The following PTPN9 variants were observed in gnomAD, a reference collection of about 807,000 sequenced individuals.
PTPN9 encodes tyrosine-protein phosphatase non-receptor type 9.
In PTPN9, 26 loss-of-function variants were observed where a neutral mutation model predicts 69.8. The observed-to-expected ratio is 0.37, with a 90% CI of 0.27 to 0.52. PTPN9 has a LOEUF of 0.52. PTPN9 is among the 20% of genes least tolerant of loss of function. The pLI is 0.91. For synonymous variants in PTPN9, 274 were observed against 272.5 expected (o/e 1.01, Z -0.05); for missense variants, 549 against 740.3 (o/e 0.74, Z 3.00).
chr15:75,473,598 T>G (rs573934840), intron 10 of PTPN9, 91 bp downstream of exon 10: 1 of 1,168,578 alleles, frequency 8.6e-7, no homozygotes, highest in East Asian at 2.4e-5. Context: ...CTGACCCTCA[T>G]TATTTCTAAA....
intron 1 of PTPN9, among the ~76,000 whole-genome samples, chr15:75,562,029 C>T (rs1298373491): frequency 6.6e-6 from 1 of 151,962 alleles, no homozygotes; most frequent in Admixed American, 6.6e-5. Context: ...ATTATTATTA[C>T]TTGTGTAGAC....
chr15:75,491,172 G>A (rs2074708972), intron 7 of PTPN9, among the ~76,000 whole-genome samples: 1 of 152,042 alleles, frequency 6.6e-6, no homozygotes, highest in Admixed American at 6.5e-5. Flanking sequence ...GGAGGCCAAG[G>A]CGGGTGGATC....
intron 11 of PTPN9, among the ~76,000 whole-genome samples, chr15:75,470,259 C>T (rs981008699): frequency 2.0e-5 from 3 of 152,184 alleles, no homozygotes; most frequent in African/African-American, 7.2e-5. Context: ...GGTTGGAGTG[C>T]AGTGGCACGA....
chr15:75,540,512 C>A (rs1225410871), intron 1 of PTPN9, among the ~76,000 whole-genome samples: 1 of 147,254 alleles, frequency 6.8e-6, no homozygotes, highest in Non-Finnish European at 1.5e-5. Context: ...GAGATCGCAC[C>A]AGCCTGGGTG....
At chr15:75,488,007 G>A (rs941024246) in intron 8 of PTPN9, among the ~76,000 whole-genome samples, 2 of 152,158 alleles carry the variant, frequency 1.3e-5, no homozygotes, top group African/African-American at 2.4e-5. Flanking sequence ...CTTTGCCGGC[G>A]CAGTGGCTCA....
chr15:75,492,322 C>G (rs1433458234), intron 7 of PTPN9, among the ~76,000 whole-genome samples: 1 of 152,098 alleles, frequency 6.6e-6, no homozygotes, highest in African/African-American at 2.4e-5. Flanking sequence ...GTGTTCAACT[C>G]ATTTTGACAG....
intron 1 of PTPN9, among the ~76,000 whole-genome samples, chr15:75,569,180 T>A (rs1021762679): frequency 6.6e-6 from 1 of 152,164 alleles, no homozygotes; most frequent in East Asian, 1.9e-4. Context: ...ATGGCTGATA[T>A]TACACTAGAG....
intron 7 of PTPN9, among the ~76,000 whole-genome samples, chr15:75,498,668 T>A (rs897994249): frequency 1.2e-4 from 19 of 152,076 alleles, no homozygotes; most frequent in Non-Finnish European, 2.5e-4. Context: ...GGAGCTGAGA[T>A]TGCACCACAG....
In PTPN9 at chr15:75,518,052, T is replaced by C. The variant is rs533589711; in HGVS notation, c.423-688A>G. 7.9e-5 allele frequency among the ~76,000 whole-genome samples: 12 copies of C among 152,276 alleles called. 1 individual carries two copies. In the South Asian group the frequency reaches 2.5e-3, roughly 32 times the overall value. ...CCCATGGAGGAAGAGAACAAACCCATAAATGGCCTTTGGAAAGCATTCCTA... is the reference window on the plus strand; with the variant it reads ...CCCATGGAGGAAGAGAACAAACCCACAAATGGCCTTTGGAAAGCATTCCTA... On this transcript the variant is annotated intron_variant, in intron 4 of 12. Transcript: ENST00000618819.
At chr15:75,566,758 C>T (rs540543284) in intron 1 of PTPN9, among the ~76,000 whole-genome samples, 3 of 151,664 alleles carry the variant, frequency 2.0e-5, no homozygotes, top group African/African-American at 4.8e-5. Context: ...GAGGCTGAAG[C>T]GGAAGGATAG....
At chr15:75,497,580 C>G (rs1037678260) in intron 7 of PTPN9, among the ~76,000 whole-genome samples, 4 of 151,994 alleles carry the variant, frequency 2.6e-5, no homozygotes, top group African/African-American at 9.7e-5. Flanking sequence ...GTGGGTGGAT[C>G]ACCTGACGTG....
chr15:75,479,895 C>T lies in PTPN9; in HGVS notation c.1082G>A (p.Ser361Asn), dbSNP rs2074618735. The change falls in exon 9 of 13, where the codon AGT becomes AAT. Residue 361 changes from serine (S) to asparagine (N), a missense_variant. By Grantham distance (46) the Ser-to-Asn change is conservative (BLOSUM62 1). Transcript: ENST00000618819. ...CTTCTGCTTGTAGCCATCCATGAAA[C>T]TGGCATTGATGTAATCTGTCTAATG... ...GHTQTDYINA[S>N]FMDGYKQKNA... 1 of 1,610,574 alleles carries T rather than the reference C, an allele frequency of 6.2e-7. No homozygotes were observed. Among genetic ancestry groups the T allele is most frequent in the Non-Finnish European group, 8.5e-7 (1 of 1,177,876 alleles).
intron 9 of PTPN9, among the ~76,000 whole-genome samples, chr15:75,479,504 C>T (rs536748043): frequency 7.4e-4 from 113 of 152,288 alleles, no homozygotes; most frequent in Non-Finnish European, 1.3e-3. Context: ...TTCTTGGCCT[C>T]TCACTAGACA....
chr15:75,515,046 C>T (rs997964489), intron 5 of PTPN9, among the ~76,000 whole-genome samples: 2 of 152,118 alleles, frequency 1.3e-5, no homozygotes, highest in African/African-American at 4.8e-5. Flanking sequence ...AGTGTATACC[C>T]TAGAGCATGC....
chr15:75,556,343 G>C (rs1190662514), intron 1 of PTPN9, among the ~76,000 whole-genome samples: 1 of 151,546 alleles, frequency 6.6e-6, no homozygotes. Flanking sequence ...GATTACAGGT[G>C]TGAGCCACTG....
intron 8 of PTPN9, among the ~76,000 whole-genome samples, chr15:75,488,343 GTT>G (rs928731912): frequency 6.9e-6 from 1 of 144,302 alleles, no homozygotes; most frequent in Non-Finnish European, 1.5e-5. Flanking sequence ...TCAATGCTGG[GTT>G]TTTTTTTTTT....
chr15:75,556,298 G>A (rs1011293039), intron 1 of PTPN9, among the ~76,000 whole-genome samples: 1 of 151,160 alleles, frequency 6.6e-6, no homozygotes, highest in African/African-American at 2.4e-5. Context: ...TCCTGACCTC[G>A]TGATCCCCCC....
At chr15:75,521,460 A>G (rs1281464659) in intron 4 of PTPN9, among the ~76,000 whole-genome samples, 1 of 151,944 alleles carries the variant, frequency 6.6e-6, no homozygotes, top group Non-Finnish European at 1.5e-5. Flanking sequence ...TCAAAGGAAA[A>G]AAAAAATAAA....
chr15:75,569,828 GA>G (rs1193869764), intron 1 of PTPN9, among the ~76,000 whole-genome samples: 1 of 151,846 alleles, frequency 6.6e-6, no homozygotes, highest in Non-Finnish European at 1.5e-5. Context: ...CTTGTGCTCA[GA>G]ATTTTTTTTT....
Sources: gnomAD v4.1 joint callset for allele counts (sites outside exome capture counted in the v4.1 genomes callset) on GRCh38, gnomAD v4.1.1 for gene constraint, MANE v1.5 for transcripts, NCBI Gene and HGNC (gene_info 2026-07-23, HGNC 2026-07-21) for gene names.